The following SESTD1 variants were observed in gnomAD, a reference collection of about 807,000 sequenced individuals.
The protein encoded by SESTD1 is SEC14 and spectrin domain containing 1, also known as SEC14 domain and spectrin repeat-containing protein 1.
Under a neutral mutation model 101.7 loss-of-function variants are expected in SESTD1, and 43 were observed. The observed-to-expected ratio is 0.42, with a 90% CI of 0.33 to 0.55. The LOEUF (loss-of-function observed/expected upper bound fraction) is 0.55. SESTD1 is among the 20% of genes least tolerant of loss of function. The pLI is 0.07. For missense variants in SESTD1, 647 were observed against 815.1 expected (o/e 0.79, Z 2.51); for synonymous variants, 283 against 286.8 (o/e 0.99, Z 0.13).
At chr2:179,165,515 C>T (rs1246565280) in intron 5 of SESTD1, among the ~76,000 whole-genome samples, 1 of 152,210 alleles carries the variant, frequency 6.6e-6, no homozygotes, top group Non-Finnish European at 1.5e-5. Context: ...GTTCACTTTG[C>T]ATTGTCTCAG....
chr2:179,200,595 T>G (rs543481909), intron 1 of SESTD1, among the ~76,000 whole-genome samples: 2 of 151,946 alleles, frequency 1.3e-5, no homozygotes, highest in Admixed American at 6.6e-5. Context: ...TGGAACCGAA[T>G]AGAGCTCTCA....
chr2:179,149,752 CTTT>C (rs1036024666), intron 6 of SESTD1, among the ~76,000 whole-genome samples: 1 of 152,146 alleles, frequency 6.6e-6, no homozygotes, highest in East Asian at 1.9e-4. Context: ...CAGAACACTT[CTTT>C]ATGTTATTCT....
chr2:179,185,242 G>C (rs929688611), intron 2 of SESTD1, among the ~76,000 whole-genome samples: 2 of 150,758 alleles, frequency 1.3e-5, no homozygotes, highest in Non-Finnish European at 3.0e-5. Flanking sequence ...AGCTTTCCAG[G>C]TATAGAAGAG....
chr2:179,116,683 A>G lies in SESTD1; in HGVS notation c.1632T>C (p.Phe544=). Residue 544 remains phenylalanine (F), a synonymous_variant, in exon 15 of 18, where the codon TTT becomes TTC. Coordinates refer to ENST00000428443, the MANE Select transcript of SESTD1 (RefSeq NM_178123.5). ...AGTTTTGCACCTGTGCAACATCAAC[A>G]AATTTTCTATGCTTTTCCAGCAAAA... is the stretch of plus-strand genomic sequence containing the variant. ...TKVLLEKHRK[F]VDVAQSTYDY... is the part of the protein sequence containing the mutation. The G allele has an allele frequency of 1.9e-6, 3 of 1,614,144 alleles. No homozygotes were observed. The highest frequency in any genetic ancestry group is 2.5e-6 in the Non-Finnish European group (3 of 1,179,986).
At position 179,105,562 on chromosome 2, in the gene SESTD1, T is replaced by C. The variant is rs536332079; in HGVS notation, c.*4337A>G. 3.3e-5 allele frequency: 5 copies of C among 152,180 alleles called. 1 individual carries two copies. The highest frequency in any genetic ancestry group is 3.9e-4 in the East Asian group (2 of 5,168). 9.4% of individuals were successfully genotyped at this position (152,180 alleles called of 1,614,324 possible). A position where few individuals can be genotyped will look rare whatever the true frequency, so the allele number is the denominator to read the frequency against. ...AACTAAGGGGGTGGGGCGGCGAACATAGGCAATATGCCATTTCCTCACCAT... is the reference window on the plus strand; with the variant it reads ...AACTAAGGGGGTGGGGCGGCGAACACAGGCAATATGCCATTTCCTCACCAT... On this transcript the variant is annotated 3_prime_UTR_variant, in exon 18 of 18. Transcript: ENST00000428443.
At chr2:179,157,250 T>C (rs1393396400) in intron 5 of SESTD1, among the ~76,000 whole-genome samples, 1 of 152,152 alleles carries the variant, frequency 6.6e-6, no homozygotes, top group Non-Finnish European at 1.5e-5. Flanking sequence ...ACACATCCCA[T>C]ACTCATGGAT....
intron 1 of SESTD1, among the ~76,000 whole-genome samples, chr2:179,232,689 T>A (rs1484616769): frequency 6.6e-6 from 1 of 152,122 alleles, no homozygotes; most frequent in African/African-American, 2.4e-5. Context: ...CTCTAAAAAT[T>A]AATAAAGAGA....
chr2:179,111,517 CAGTG>C (rs1454051952), intron 17 of SESTD1, among the ~76,000 whole-genome samples: 3 of 152,284 alleles, frequency 2.0e-5, no homozygotes, highest in African/African-American at 7.2e-5. Flanking sequence ...CAAGGTGTTA[CAGTG>C]AGTAAGTGGT....
Position 179,109,543 on chromosome 2 carries a change from C to T in SESTD1, c.*356G>A. 1 of 395,108 alleles carries T rather than the reference C, an allele frequency of 2.5e-6. No individual in the cohort carries two copies. The highest frequency in any genetic ancestry group is 4.5e-6 in the Non-Finnish European group (1 of 223,938). The allele number at this position is 395,108 out of a possible 1,614,324, so 24.5% of individuals were successfully genotyped here. On this transcript the variant is annotated 3_prime_UTR_variant, in exon 18 of 18. Coordinates refer to ENST00000428443, the MANE Select transcript of SESTD1 (RefSeq NM_178123.5). Reference sequence around the variant, plus strand: ...TACTAAATCACCTGTGGAGGAAGGGCAACTTTTTTTTTTCTTTTTAATAGA... The same window carrying T: ...TACTAAATCACCTGTGGAGGAAGGGTAACTTTTTTTTTTCTTTTTAATAGA...
rs571486996 is a variant in SESTD1 at position 179,253,872 on chromosome 2, C to T, written c.-26+10627G>A. 5.9e-5 allele frequency among the ~76,000 whole-genome samples: 9 copies of T among 152,006 alleles called. No homozygotes were observed. The South Asian group carries it at 1.0e-3, about 18-fold the overall frequency. On this transcript the variant is annotated intron_variant, in intron 1 of 17. Coordinates refer to ENST00000428443, the MANE Select transcript of SESTD1 (RefSeq NM_178123.5). ...CAGCACTTTAGAAGGCTGAAGCAAG[C>T]GGATCTGCTTGAGCTCAGGAGTTTG...
intron 15 of SESTD1, among the ~76,000 whole-genome samples, chr2:179,115,651 G>A (rs1221748152): frequency 6.6e-6 from 1 of 152,116 alleles, no homozygotes; most frequent in Non-Finnish European, 1.5e-5. Context: ...TGGAGGCTGA[G>A]GCAGGAGGAT....
chr2:179,109,557 CTTTTT>C lies in SESTD1; in HGVS notation c.*337_*341del. The C allele has an allele frequency of 2.6e-6, 1 of 390,050 alleles. No individual in the cohort carries two copies. The highest frequency in any genetic ancestry group is 1.4e-4 in the South Asian group (1 of 7,032). 24.2% of individuals were successfully genotyped at this position (390,050 alleles called of 1,614,324 possible). Reference sequence around the variant, plus strand: ...TGGAGGAAGGGCAACTTTTTTTTTTCTTTTTAATAGAGAGAATTCCTACTCTTATT... The same window carrying C: ...TGGAGGAAGGGCAACTTTTTTTTTTCAATAGAGAGAATTCCTACTCTTATT... On this transcript the variant is annotated 3_prime_UTR_variant, in exon 18 of 18. Transcript: ENST00000428443.
In SESTD1 at chr2:179,217,259, T is replaced by C. The variant is rs184571948; in HGVS notation, c.-25-25393A>G. ...TCTGACAAAGGGCTAATATCCAGAA[T>C]CTACAAAGAACTTAAACAAATTTAC... On this transcript the variant is annotated intron_variant, in intron 1 of 17. Transcript: ENST00000428443. 4.4e-3 allele frequency among the ~76,000 whole-genome samples: 668 copies of C among 152,220 alleles called. 7 individuals are homozygous for C. Among genetic ancestry groups the C allele is most frequent in the African/African-American group, 0.015 (635 of 41,540 alleles).
chr2:179,196,048 G>C (rs1314145440), intron 1 of SESTD1, among the ~76,000 whole-genome samples: 1 of 152,262 alleles, frequency 6.6e-6, no homozygotes, highest in South Asian at 2.1e-4. Context: ...GAGGTACCGG[G>C]TTCATCTCAC....
chr2:179,101,886 T>C lies in SESTD1; in HGVS notation c.*8013A>G, dbSNP rs1243944369. The C allele has an allele frequency of 3.3e-5, 5 of 152,204 alleles. No homozygotes were observed. In the East Asian group the frequency reaches 9.6e-4, roughly 29 times the overall value. 9.4% of individuals were successfully genotyped at this position (152,204 alleles called of 1,614,324 possible). A position where few individuals can be genotyped will look rare whatever the true frequency, so the allele number is the denominator to read the frequency against. The stretch of plus-strand genomic sequence containing the variant: ...TCTATATATTTTTTTGCTTGTATGT[T>C]GAACTGTCACTCAAATGTACTTAAC... On this transcript the variant is annotated 3_prime_UTR_variant, in exon 18 of 18. Transcript: ENST00000428443.
chr2:179,146,478 A>C, intron 7 of SESTD1, 21 bp from the exon 8 acceptor site: 12 of 1,602,974 alleles, frequency 7.5e-6, no homozygotes, highest in Non-Finnish European at 9.4e-6. Context: ...CCAAAGGAGT[A>C]ATTTTCAAAA....
At chr2:179,157,694 CTTAA>C (rs2045657821) in intron 5 of SESTD1, among the ~76,000 whole-genome samples, 1 of 152,018 alleles carries the variant, frequency 6.6e-6, no homozygotes, top group Non-Finnish European at 1.5e-5. Context: ...TTATATTAAA[CTTAA>C]TTTTTAATAA....
chr2:179,261,221 G>A (rs893295876), intron 1 of SESTD1, among the ~76,000 whole-genome samples: 3 of 152,208 alleles, frequency 2.0e-5, no homozygotes, highest in African/African-American at 7.2e-5. Flanking sequence ...AAAATCTGAT[G>A]AATATGTGGC....
chr2:179,255,012 G>T (rs560193539), intron 1 of SESTD1, among the ~76,000 whole-genome samples: 2 of 152,138 alleles, frequency 1.3e-5, no homozygotes, highest in Non-Finnish European at 2.9e-5. Context: ...TACTGTAATT[G>T]TTTGGGGGCA....
Sources: gnomAD v4.1 joint callset for allele counts (sites outside exome capture counted in the v4.1 genomes callset) on GRCh38, gnomAD v4.1.1 for gene constraint, MANE v1.5 for transcripts, NCBI Gene and HGNC (gene_info 2026-07-23, HGNC 2026-07-21) for gene names.